The following TAF1C variants were observed in gnomAD, a reference collection of about 807,000 sequenced individuals.
TAF1C encodes TATA box-binding protein-associated factor RNA polymerase I subunit C.
TAF1C carries 79 observed loss-of-function variants against 70.5 expected under a neutral mutation model. The ratio of observed to expected loss-of-function variants is 1.12; its 90% confidence interval spans 0.93 to 1.35. TAF1C has a LOEUF of 1.35. TAF1C is among the 40% of genes most tolerant of loss of function. The probability of loss-of-function intolerance (pLI) is 0.00; values close to 1 mark genes in which losing one functional copy is unlikely to be tolerated. For missense variants in TAF1C, 1,412 were observed against 1,127.8 expected, an observed-to-expected ratio of 1.25 and a Z score of -3.61; for synonymous variants, 614 against 491.1, an observed-to-expected ratio of 1.25 and a Z score of -3.31.
rs1056611 is a variant in TAF1C at position 84,178,425 on chromosome 16, A to T, written c.*516T>A. The T allele has an allele frequency of 4.8e-5, 22 of 457,678 alleles. 1 individual carries two copies. The highest frequency in any genetic ancestry group is 3.2e-4 in the African/African-American group (16 of 50,074). 28.4% of individuals were successfully genotyped at this position (457,678 alleles called of 1,614,324 possible). ...TATTTAGTCCCTGAACCTGGATCCA[A>T]GGCATCTCCCTGTAGGAAACATCAG... On this transcript the variant is annotated 3_prime_UTR_variant, in exon 15 of 15. Transcript: ENST00000566732.
rs912396377 is a variant in TAF1C, at chr16:84,181,107, G to A, written c.1244C>T (p.Thr415Ile). The A allele has an allele frequency of 3.0e-5, 49 of 1,613,206 alleles. No homozygotes were observed. The highest frequency in any genetic ancestry group is 3.5e-5 in the Non-Finnish European group (41 of 1,179,402). Reference sequence around the variant, plus strand: ...GGGGCTGGAGTGCCCCAGGTACTGGGTAAGCAGGACACGTTCCCCTTTCTG... The same window carrying A: ...GGGGCTGGAGTGCCCCAGGTACTGGATAAGCAGGACACGTTCCCCTTTCTG... ...SCQKGERVLLTQYLGHSSPKC... is the reference protein window; with the variant it reads ...SCQKGERVLLIQYLGHSSPKC... Residue 415 changes from threonine to isoleucine, a missense_variant, in exon 12 of 15, where the codon ACC (threonine) becomes ATC (isoleucine). By Grantham distance (89) the Thr-to-Ile change is moderately conservative (BLOSUM62 -1). Transcript: ENST00000566732.
chr16:84,182,686 C>T lies in TAF1C; in HGVS notation c.483-246G>A, dbSNP rs4150143. On this transcript the variant is annotated intron_variant, in intron 6 of 14. Coordinates refer to ENST00000566732, the MANE Select transcript of TAF1C (RefSeq NM_001243156.2). The surrounding 1 kb of genome is among the most constrained non-coding windows in gnomAD (Gnocchi z 5.0). The stretch of plus-strand genomic sequence containing the variant: ...AGATGGGTGTGAGACCCAAGCCAAG[C>T]CAACCAAAGTCCTTTCTGGGACTTC... 0.015 allele frequency among the ~76,000 whole-genome samples: 2,340 copies of T among 152,326 alleles called. 32 individuals are homozygous for T. Among genetic ancestry groups the T allele is most frequent in the South Asian group, 0.052 (251 of 4,824 alleles).
Position 84,179,290 on chromosome 16 carries a change from G to C in TAF1C, c.2183C>G (p.Thr728Ser). The change falls in exon 15 of 15, where the codon ACC (threonine) becomes AGC (serine). Residue 728 changes from threonine (T) to serine (S), a missense_variant. By Grantham distance (58) the Thr-to-Ser change is moderately conservative (BLOSUM62 1). Transcript: ENST00000566732. ...GAGCGAAAAGCTGCTGGACAGCTGG[G>C]TCCGGCGCTTGGGCCGCCTGGTCTG... ...GRQTRRPKRR[T>S]QLSSSFSLSG... The C allele has an allele frequency of 1.9e-6, 3 of 1,593,110 alleles. No homozygotes were observed. The highest frequency in any genetic ancestry group is 2.7e-5 in the African/African-American group (2 of 74,908).
Position 84,179,600 on chromosome 16 carries a change from G to T in TAF1C, c.1873C>A (p.Pro625Thr). 2 of 1,612,748 alleles carry T rather than the reference G, an allele frequency of 1.2e-6. No individual in the cohort carries two copies. The highest frequency in any genetic ancestry group is 2.2e-5 in the South Asian group (2 of 91,058). Reference protein sequence around the residue: ...KALLKVPLAPPVWTAPTFTHR... With the variant: ...KALLKVPLAPTVWTAPTFTHR... ...GTGAAGGTGGGTGCTGTCCACACAGGAGGAGCCAGGGGCACTTTTAGCAGG... is the reference window on the plus strand; with the variant it reads ...GTGAAGGTGGGTGCTGTCCACACAGTAGGAGCCAGGGGCACTTTTAGCAGG... The change falls in exon 15 of 15, where the codon CCT becomes ACT. Residue 625 changes from proline to threonine, a missense_variant. Pro to Thr is a conservative substitution (Grantham distance 38, BLOSUM62 -1). Transcript: ENST00000566732.
intron 12 of TAF1C, chr16:84,180,770 C>G: frequency 1.5e-6 from 2 of 1,323,638 alleles, no homozygotes; most frequent in East Asian, 2.9e-5. Flanking sequence ...CAGCTCTGCA[C>G]GGAAGCCCCA....
rs1567583132 is a variant in TAF1C at position 84,179,444 on chromosome 16, CCG to C, written c.2027_2028del (p.Ala676GlyfsTer17). 2.5e-6 allele frequency: 4 copies of C among 1,596,880 alleles called. No individual in the cohort carries two copies. The highest frequency in any genetic ancestry group is 3.4e-6 in the Non-Finnish European group (4 of 1,176,868). On this transcript the variant is annotated frameshift_variant, in exon 15 of 15. Transcript: ENST00000566732. LOFTEE classifies it low-confidence loss of function (END_TRUNC). ...GACTCGGGTGCAGGGGGTGGCTCTG[CCG>C]CAGGGAGGGAGCCCAGGTCTCTCTG... is the stretch of plus-strand genomic sequence containing the variant. ...LLQRDLGSLP[A>X]AEPPPAPESG...
Position 84,179,855 on chromosome 16 carries a change from G to A in TAF1C, c.1622-4C>T. On this transcript the variant is annotated splice_region_variant and splice_polypyrimidine_tract_variant and intron_variant, in intron 14 of 14. Coordinates refer to ENST00000566732, the MANE Select transcript of TAF1C (RefSeq NM_001243156.2). ...GGCGGGACGACGGCAGCCAGACCTG[G>A]TGACGGGAATGACAATGACCTCCAG... The A allele has an allele frequency of 6.2e-7, 1 of 1,607,734 alleles. No homozygotes were observed. The highest frequency in any genetic ancestry group is 8.5e-7 in the Non-Finnish European group (1 of 1,176,676).
In TAF1C at chr16:84,178,798, T is replaced by C; in HGVS notation, c.*143A>G. The C allele has an allele frequency of 1.2e-6, 1 of 865,562 alleles. No homozygotes were observed. The highest frequency in any genetic ancestry group is 1.7e-6 in the Non-Finnish European group (1 of 575,328). 53.6% of individuals were successfully genotyped at this position (865,562 alleles called of 1,614,324 possible). Reference sequence around the variant, plus strand: ...TGTTGCCCTGTCCCTTCAACTTGGCTCCAAATTGCTTGGCTCATCATCACA... The same window carrying C: ...TGTTGCCCTGTCCCTTCAACTTGGCCCCAAATTGCTTGGCTCATCATCACA... On this transcript the variant is annotated 3_prime_UTR_variant, in exon 15 of 15. Transcript: ENST00000566732.
Position 84,177,869 on chromosome 16 carries a change from G to T in TAF1C, c.*1072C>A. On this transcript the variant is annotated 3_prime_UTR_variant, in exon 15 of 15. Transcript: ENST00000566732. ...TTCCCCAGTTATATGTAGCATAAAT[G>T]GTTTAATCATAAATGTCTCCCTTAG... 2 of 1,576,552 alleles carry T rather than the reference G, an allele frequency of 1.3e-6. No individual in the cohort carries two copies. The highest frequency in any genetic ancestry group is 2.2e-5 in the South Asian group (2 of 90,360).
chr16:84,185,845 A>C (rs1429371149), intron 1 of TAF1C, among the ~76,000 whole-genome samples: 1 of 152,206 alleles, frequency 6.6e-6, no homozygotes, highest in Non-Finnish European at 1.5e-5. Context: ...GGTTGCGGTG[A>C]GCTGAGATCG....
At chr16:84,179,911 T>C (rs781123354) in intron 14 of TAF1C, 35 bp downstream of exon 14, 2 of 1,605,924 alleles carry the variant, frequency 1.2e-6, no homozygotes, top group Non-Finnish European at 1.7e-6. Flanking sequence ...TGTTTTCCAC[T>C]GCGCCCCCCA....
In TAF1C at chr16:84,182,816, C is replaced by T. The variant is rs1045164145; in HGVS notation, c.482+260G>A. 1.2e-4 allele frequency among the ~76,000 whole-genome samples: 18 copies of T among 152,094 alleles called. No individual in the cohort carries two copies. The highest frequency in any genetic ancestry group is 1.7e-4 in the African/African-American group (7 of 41,404). ...AACTGTGCAGGGAGAGGCAAGTGGA[C>T]GAGACAGGAAAGAGAGACACAGCTC... On this transcript the variant is annotated intron_variant, in intron 6 of 14. Transcript: ENST00000566732. The surrounding 1 kb of genome is among the most constrained non-coding windows in gnomAD (Gnocchi z 5.0).
chr16:84,181,231 G>T (rs2303234), intron 11 of TAF1C, 45 bp from the exon 12 acceptor site: 46 of 1,591,950 alleles, frequency 2.9e-5, no homozygotes, highest in South Asian at 1.3e-4. Flanking sequence ...GTCCCAGGCC[G>T]GTGACGCTGT....
rs951155839 is a variant in TAF1C at position 84,182,935 on chromosome 16, G to A, written c.482+141C>T. 24 of 793,960 alleles carry A rather than the reference G, an allele frequency of 3.0e-5. No homozygotes were observed. In the Middle Eastern group the frequency reaches 9.3e-4, roughly 31 times the overall value. 49.2% of individuals were successfully genotyped at this position (793,960 alleles called of 1,614,324 possible). A position where few individuals can be genotyped will look rare whatever the true frequency, so the allele number is the denominator to read the frequency against. On this transcript the variant is annotated intron_variant, in intron 6 of 14. Transcript: ENST00000566732. This position sits in a 1 kb window ranked among gnomAD's most constrained non-coding sequence, Gnocchi z 5.0. ...TGAGATGATTTGGAGTTGGAAGTCT[G>A]GTATAAGAAAGTACAGCTCAGACTG...
rs541662911 is a variant in TAF1C at position 84,182,529 on chromosome 16, A to G, written c.483-89T>C. 1 of 1,205,760 alleles carries G rather than the reference A, an allele frequency of 8.3e-7. No individual in the cohort carries two copies. Among genetic ancestry groups the G allele is most frequent in the Non-Finnish European group, 1.1e-6 (1 of 876,508 alleles). 74.7% of individuals were successfully genotyped at this position (1,205,760 alleles called of 1,614,324 possible). On this transcript the variant is annotated intron_variant, in intron 6 of 14. Coordinates refer to ENST00000566732, the MANE Select transcript of TAF1C (RefSeq NM_001243156.2). This position sits in a 1 kb window ranked among gnomAD's most constrained non-coding sequence, Gnocchi z 5.0. ...CAAGGAGGCCAAGTGCAGTGGACAC[A>G]TTTCTTATTTACCTAGAATTTCTTC...
chr16:84,179,462 G>C lies in TAF1C; in HGVS notation c.2011C>G (p.Leu671Val), dbSNP rs1267261073. ...GGCTCTGCCGCAGGGAGGGAGCCCA[G>C]GTCTCTCTGCAGCAGGAGCTGCCCT... The part of the protein sequence containing the change: ...ARGQLLLQRD[L>V]GSLPAAEPPP... The change falls in exon 15 of 15, where the codon CTG (leucine) becomes GTG (valine). Residue 671 changes from leucine to valine, a missense_variant. Coordinates refer to ENST00000566732, the MANE Select transcript of TAF1C (RefSeq NM_001243156.2). The C allele has an allele frequency of 6.3e-7, 1 of 1,597,840 alleles. No individual in the cohort carries two copies. The highest frequency in any genetic ancestry group is 1.7e-5 in the Admixed American group (1 of 59,814).
At position 84,181,319 on chromosome 16, in the gene TAF1C, A is replaced by G. The variant is rs1161553016; in HGVS notation, c.1164+9T>C. On this transcript the variant is annotated intron_variant, in intron 11 of 14. Coordinates refer to ENST00000566732, the MANE Select transcript of TAF1C (RefSeq NM_001243156.2). ...CAGTCGGGGTGGGTCCTCTGCCGCC[A>G]GCCCGTACCTGAGTGTCCAGCATCT... 6.2e-7 allele frequency: 1 copy of G among 1,612,048 alleles called. No individual in the cohort carries two copies. Among genetic ancestry groups the G allele is most frequent in the African/African-American group, 1.3e-5 (1 of 74,894 alleles).
At position 84,182,200 on chromosome 16, in the gene TAF1C, A is replaced by C. The variant is rs776810353; in HGVS notation, c.721+2T>G. The C allele has an allele frequency of 1.2e-6, 2 of 1,606,800 alleles. No homozygotes were observed. Among genetic ancestry groups the C allele is most frequent in the African/African-American group, 2.7e-5 (2 of 74,770 alleles). On this transcript the variant is annotated splice_donor_variant, in intron 7 of 14. Transcript: ENST00000566732. LOFTEE classifies it high-confidence loss of function. This position sits in a 1 kb window ranked among gnomAD's most constrained non-coding sequence, Gnocchi z 5.0. Reference sequence around the variant, plus strand: ...AATCTCCTGTCTCGCAAGAAAGGATACGCAGCCTGTCCTGGGCGCCTCCAG... The same window carrying C: ...AATCTCCTGTCTCGCAAGAAAGGATCCGCAGCCTGTCCTGGGCGCCTCCAG...
chr16:84,186,426 C>CA (rs1225936365), intron 1 of TAF1C, among the ~76,000 whole-genome samples: 7 of 152,106 alleles, frequency 4.6e-5, no homozygotes, highest in Admixed American at 3.3e-4. Context: ...TGGTGGTGTA[C>CA]ACCTGTAATC....
Sources: allele counts gnomAD v4.1 joint callset (sites outside exome capture counted in the v4.1 genomes callset), GRCh38; gene constraint gnomAD v4.1.1; non-coding constraint Gnocchi (gnomAD v3.1); transcripts MANE v1.5; gene names NCBI Gene and HGNC (gene_info 2026-07-23, HGNC 2026-07-21).